FGD4: variants seen among roughly 807,000 people sequenced by gnomAD.
FGD4 encodes FYVE, RhoGEF and PH domain containing 4, also known as FYVE, RhoGEF and PH domain-containing protein 4.
FGD4 carries 42 observed loss-of-function variants against 102.0 expected under a neutral mutation model. The observed-to-expected ratio is 0.41, with a 90% confidence interval of 0.32 to 0.53. The LOEUF is 0.53. Ranked by LOEUF, FGD4 falls within the 20% of genes least tolerant of loss-of-function variation. FGD4 has a pLI of 0.21. For missense variants in FGD4, 902 were observed against 1,078.2 expected (o/e 0.84, Z 2.29); for synonymous variants, 380 against 375.7 (o/e 1.01, Z -0.13).
chr12:32,640,910 A>G lies in FGD4; in HGVS notation c.*377A>G, dbSNP rs1052802324. ...TAGGACCTGGAACAGTTTGAAAGAT[A>G]TACCTCCATGTTGCCAAAATAGATC... On this transcript the variant is annotated 3_prime_UTR_variant, in exon 17 of 17. Transcript: ENST00000534526. 2.4e-6 allele frequency: 1 copy of G among 417,626 alleles called. No individual in the cohort carries two copies. The highest frequency in any genetic ancestry group is 4.3e-6 in the Non-Finnish European group (1 of 232,364). The allele number at this position is 417,626 out of a possible 1,614,324, so 25.9% of individuals were successfully genotyped here.
At chr12:32,517,460 T>C (rs1196500027) in intron 1 of FGD4, among the ~76,000 whole-genome samples, 5 of 152,242 alleles carry the variant, frequency 3.3e-5, no homozygotes, top group Admixed American at 6.5e-5. Flanking sequence ...CATATATCCT[T>C]ATTAAATTAT....
chr12:32,438,152 A>G (rs1361744050), intron 1 of FGD4, among the ~76,000 whole-genome samples: 1 of 152,200 alleles, frequency 6.6e-6, no homozygotes, highest in Non-Finnish European at 1.5e-5. Flanking sequence ...TGGGCCTCCC[A>G]AAGTGCTGGG....
intron 4 of FGD4, among the ~76,000 whole-genome samples, chr12:32,597,435 A>G (rs1948000365): frequency 6.6e-6 from 1 of 152,204 alleles, no homozygotes; most frequent in African/African-American, 2.4e-5. Flanking sequence ...TACCAGGAGG[A>G]GAAAATTAGG....
At chr12:32,465,497 G>A (rs893216630) in intron 1 of FGD4, among the ~76,000 whole-genome samples, 3 of 151,930 alleles carry the variant, frequency 2.0e-5, no homozygotes, top group African/African-American at 4.8e-5. Context: ...GTAAAACCCC[G>A]TCTCTACTGA....
rs748275714 is a variant in FGD4 at position 32,638,965 on chromosome 12, A to G, written c.2454+170A>G. On this transcript the variant is annotated intron_variant, in intron 16 of 16. Transcript: ENST00000534526. ...GTTTGTTGTTTAAGCTGATTGATTC[A>G]TTTTATAGCCTATATTTTCTTCAGT... is the stretch of plus-strand genomic sequence containing the variant. The G allele has an allele frequency of 3.1e-4, 454 of 1,462,938 alleles. 1 individual carries two copies. Among genetic ancestry groups the G allele is most frequent in the Non-Finnish European group, 3.4e-4 (373 of 1,107,712 alleles). 90.6% of individuals were successfully genotyped at this position (1,462,938 alleles called of 1,614,324 possible).
At chr12:32,455,471 C>T (rs1228860306) in intron 1 of FGD4, among the ~76,000 whole-genome samples, 1 of 152,024 alleles carries the variant, frequency 6.6e-6, no homozygotes, top group Non-Finnish European at 1.5e-5. Context: ...AGCAGAATAT[C>T]TATGCCATTT....
chr12:32,590,129 G>A (rs1360877642), intron 4 of FGD4, among the ~76,000 whole-genome samples: 1 of 152,008 alleles, frequency 6.6e-6, no homozygotes, highest in African/African-American at 2.4e-5. Flanking sequence ...CCAACATGGT[G>A]AAACCTCGTC....
intron 3 of FGD4, among the ~76,000 whole-genome samples, chr12:32,579,012 A>G (rs1378588639): frequency 8.0e-6 from 1 of 124,302 alleles, no homozygotes; most frequent in Non-Finnish European, 1.7e-5. Context: ...AAATAAGAAT[A>G]TGTTTCTACA....
chr12:32,442,705 C>T (rs34336994), intron 1 of FGD4, among the ~76,000 whole-genome samples: 771 of 151,900 alleles, frequency 5.1e-3, no homozygotes, highest in Non-Finnish European at 7.8e-3. Context: ...ATTACAGGCA[C>T]ACCACCACAC....
rs780565067 is a variant in FGD4, at chr12:32,607,088, T to C, written c.1405-869T>C. ...AACCTCATTAAATAGGCACATCTTT[T>C]GAAAAATCTATATAGAATGATTTAA... On this transcript the variant is annotated intron_variant, in intron 7 of 16. Coordinates refer to ENST00000534526, the MANE Select transcript of FGD4 (RefSeq NM_001370298.3). Among the ~76,000 whole-genome samples the C allele has an allele frequency of 7.2e-5, 11 of 152,360 alleles. No individual in the cohort carries two copies. The Middle Eastern group carries it at 0.017, about 236-fold the overall frequency.
At chr12:32,420,800 C>CA (rs1941598858) in intron 1 of FGD4, among the ~76,000 whole-genome samples, 1 of 152,184 alleles carries the variant, frequency 6.6e-6, no homozygotes, top group African/African-American at 2.4e-5. Context: ...AAGGGCCTCT[C>CA]AAAGTCCATT....
chr12:32,604,214 T>C (rs1043411629), intron 7 of FGD4, among the ~76,000 whole-genome samples: 2 of 152,118 alleles, frequency 1.3e-5, no homozygotes, highest in African/African-American at 4.8e-5. Flanking sequence ...TTAGGGTTGG[T>C]TGAGCTTTTT....
At chr12:32,549,527 C>T (rs1943487605) in intron 1 of FGD4, among the ~76,000 whole-genome samples, 1 of 152,088 alleles carries the variant, frequency 6.6e-6, no homozygotes, top group Non-Finnish European at 1.5e-5. Flanking sequence ...CAAGTGAGAC[C>T]ACAAACAACA....
At position 32,544,693 on chromosome 12, in the gene FGD4, T is replaced by C. The variant is rs971656376; in HGVS notation, c.167-19444T>C. On this transcript the variant is annotated intron_variant, in intron 1 of 16. Coordinates refer to ENST00000534526, the MANE Select transcript of FGD4 (RefSeq NM_001370298.3). This position sits in a 1 kb window ranked among gnomAD's most constrained non-coding sequence, Gnocchi z 4.1. ...GTTGCAGTGAGTTGAGATCGCACCA[T>C]TGCACTCCAGCCTGGTGACAGAAGG... Among the ~76,000 whole-genome samples the C allele has an allele frequency of 2.6e-5, 4 of 151,150 alleles. No homozygotes were observed. Among genetic ancestry groups the C allele is most frequent in the African/African-American group, 4.9e-5 (2 of 41,034 alleles).
intron 1 of FGD4, among the ~76,000 whole-genome samples, chr12:32,470,902 G>A (rs1371142663): frequency 6.6e-6 from 1 of 152,182 alleles, no homozygotes; most frequent in East Asian, 1.9e-4. Context: ...AGAGATGTCA[G>A]CTAATGCTGA....
At chr12:32,548,951 G>A (rs1943441439) in intron 1 of FGD4, among the ~76,000 whole-genome samples, 1 of 152,186 alleles carries the variant, frequency 6.6e-6, no homozygotes, top group South Asian at 2.1e-4. Context: ...GCAATGTGAA[G>A]GTCTGGGAAA....
In FGD4 at chr12:32,642,442, T is replaced by A. The variant is rs1248647478; in HGVS notation, c.*1909T>A. ...AACTGGGGAAGAGGACTTTTGTAAG[T>A]GTGACTAGAACAATGGTAATGTATG... On this transcript the variant is annotated 3_prime_UTR_variant, in exon 17 of 17. Coordinates refer to ENST00000534526, the MANE Select transcript of FGD4 (RefSeq NM_001370298.3). 1 of 152,064 alleles carries A rather than the reference T, an allele frequency of 6.6e-6. No homozygotes were observed. Among genetic ancestry groups the A allele is most frequent in the East Asian group, 1.9e-4 (1 of 5,198 alleles). The allele number at this position is 152,064 out of a possible 1,614,324, so 9.4% of individuals were successfully genotyped here. A position where few individuals can be genotyped will look rare whatever the true frequency, so the allele number is the denominator to read the frequency against.
intron 10 of FGD4, among the ~76,000 whole-genome samples, chr12:32,617,490 A>G (rs1406005400): frequency 2.0e-5 from 3 of 152,240 alleles, no homozygotes; most frequent in Non-Finnish European, 4.4e-5. Context: ...CTTGAAATAA[A>G]TACTTGAACA....
chr12:32,595,978 A>C (rs1298881373), intron 4 of FGD4, among the ~76,000 whole-genome samples: 1 of 152,258 alleles, frequency 6.6e-6, no homozygotes, highest in Non-Finnish European at 1.5e-5. Flanking sequence ...AGTAGATCTC[A>C]TGTGGTGAAC....
Sources: allele counts gnomAD v4.1 joint callset (sites outside exome capture counted in the v4.1 genomes callset), GRCh38; gene constraint gnomAD v4.1.1; non-coding constraint Gnocchi (gnomAD v3.1); transcripts MANE v1.5; gene names NCBI Gene and HGNC (gene_info 2026-07-23, HGNC 2026-07-21).